LRMDA: variants seen among roughly 807,000 people sequenced by gnomAD.
The protein encoded by LRMDA is leucine-rich melanocyte differentiation-associated protein.
LRMDA carries 18 observed loss-of-function variants against 29.8 expected under a neutral mutation model. The observed-to-expected ratio is 0.60, with a 90% CI of 0.42 to 0.90. The LOEUF is 0.90. Among genes scored for constraint, LRMDA ranks in the 40% least tolerant of loss-of-function variants. The pLI, the probability that LRMDA is intolerant of heterozygous loss-of-function variation, is 0.00. For synonymous variants in LRMDA, 125 were observed against 109.4 expected (o/e 1.14, Z -0.89); for missense variants, 273 against 273.9 (o/e 1.00, Z 0.02).
chr10:75,887,827 T>C (rs1293545777), intron 2 of LRMDA, among the ~76,000 whole-genome samples: 2 of 152,118 alleles, frequency 1.3e-5, no homozygotes, highest in East Asian at 3.9e-4. Flanking sequence ...AGGAAGAAAA[T>C]GAACTTTAAT....
At chr10:75,751,034 C>G (rs1057263802) in intron 2 of LRMDA, among the ~76,000 whole-genome samples, 2 of 152,238 alleles carry the variant, frequency 1.3e-5, no homozygotes, top group Non-Finnish European at 2.9e-5. Context: ...ACATTGAGCA[C>G]TGAGTGAGCG....
chr10:76,032,309 A>T (rs868460376), intron 2 of LRMDA, among the ~76,000 whole-genome samples: 1 of 152,108 alleles, frequency 6.6e-6, no homozygotes, highest in African/African-American at 2.4e-5. Flanking sequence ...CATGCCAGCC[A>T]CTGGCCTGGC....
At chr10:75,731,464 T>C (rs1842696125) in intron 2 of LRMDA, among the ~76,000 whole-genome samples, 2 of 152,352 alleles carry the variant, frequency 1.3e-5, no homozygotes, top group Admixed American at 1.3e-4. Flanking sequence ...ACGTTGTCTT[T>C]CTCATCACTA....
intron 6 of LRMDA, among the ~76,000 whole-genome samples, chr10:76,535,208 C>A (rs775587296): frequency 7.2e-5 from 11 of 151,850 alleles, no homozygotes; most frequent in Non-Finnish European, 1.2e-4. Context: ...TTTTGTAATG[C>A]AAATTAAACA....
chr10:75,667,294 TTTAAA>T (rs1407642912), intron 2 of LRMDA, among the ~76,000 whole-genome samples: 9 of 152,038 alleles, frequency 5.9e-5, no homozygotes, highest in Non-Finnish European at 1.2e-4. Flanking sequence ...TGGGACTTAG[TTTAAA>T]TTAAATTAAA....
chr10:75,752,857 C>T (rs1842984660), intron 2 of LRMDA, among the ~76,000 whole-genome samples: 1 of 152,180 alleles, frequency 6.6e-6, no homozygotes, highest in African/African-American at 2.4e-5. Flanking sequence ...TGAATTTACT[C>T]CTGCAATTCT....
intron 2 of LRMDA, among the ~76,000 whole-genome samples, chr10:75,780,546 C>G (rs1435796272): frequency 6.6e-6 from 1 of 152,142 alleles, no homozygotes; most frequent in South Asian, 2.1e-4. Context: ...GGACATGGCT[C>G]TGAAGGTGAA....
chr10:76,344,555 G>A (rs890033269), intron 6 of LRMDA, among the ~76,000 whole-genome samples: 3 of 152,076 alleles, frequency 2.0e-5, no homozygotes, highest in Non-Finnish European at 2.9e-5. Context: ...TAAAGGTCAT[G>A]TGGAAAATAT....
chr10:75,460,729 C>A (rs973521265), intron 2 of LRMDA, among the ~76,000 whole-genome samples: 1 of 151,886 alleles, frequency 6.6e-6, no homozygotes, highest in Non-Finnish European at 1.5e-5. Flanking sequence ...CTGTTTTTTT[C>A]TCTTAATGTC....
chr10:75,657,744 G>A (rs1841696916), intron 2 of LRMDA, among the ~76,000 whole-genome samples: 3 of 152,138 alleles, frequency 2.0e-5, no homozygotes, highest in Admixed American at 2.0e-4. Context: ...AGAGTTGGGG[G>A]GCAAACTGGT....
intron 2 of LRMDA, among the ~76,000 whole-genome samples, chr10:75,685,693 C>T (rs1564539504): frequency 6.6e-6 from 1 of 152,076 alleles, no homozygotes; most frequent in Non-Finnish European, 1.5e-5. Flanking sequence ...GTCATAAAGG[C>T]GATGACAGAA....
intron 5 of LRMDA, among the ~76,000 whole-genome samples, chr10:76,289,587 C>T (rs1014856278): frequency 5.9e-5 from 9 of 151,998 alleles, no homozygotes; most frequent in African/African-American, 1.2e-4. Flanking sequence ...CTATTACAGG[C>T]GATATTTGGA....
intron 5 of LRMDA, among the ~76,000 whole-genome samples, chr10:76,088,874 T>G (rs1434976595): frequency 6.6e-6 from 1 of 152,226 alleles, no homozygotes; most frequent in African/African-American, 2.4e-5. Flanking sequence ...TTCTATTGAT[T>G]CTGTTGGGAT....
chr10:76,387,581 G>T (rs1313920811), intron 6 of LRMDA, among the ~76,000 whole-genome samples: 1 of 151,136 alleles, frequency 6.6e-6, no homozygotes, highest in African/African-American at 2.4e-5. Context: ...CCAGCCTGGG[G>T]GACAGAATGA....
chr10:76,184,486 TC>T (rs1270609812), intron 5 of LRMDA, among the ~76,000 whole-genome samples: 2 of 152,246 alleles, frequency 1.3e-5, no homozygotes, highest in Non-Finnish European at 2.9e-5. Flanking sequence ...CAGCAGTTGC[TC>T]TCTTAAAACA....
At chr10:75,507,968 T>G (rs1845187170) in intron 2 of LRMDA, among the ~76,000 whole-genome samples, 1 of 152,190 alleles carries the variant, frequency 6.6e-6, no homozygotes, top group South Asian at 2.1e-4. Flanking sequence ...CTAGTATAGT[T>G]TTAATTGTGT....
intron 2 of LRMDA, among the ~76,000 whole-genome samples, chr10:75,730,906 T>A (rs1379252088): frequency 6.6e-6 from 1 of 152,252 alleles, no homozygotes; most frequent in Non-Finnish European, 1.5e-5. Flanking sequence ...TTGCTCATAC[T>A]AATCTATACT....
chr10:75,590,138 C>A (rs1840705210), intron 2 of LRMDA, among the ~76,000 whole-genome samples: 1 of 151,760 alleles, frequency 6.6e-6, no homozygotes, highest in Non-Finnish European at 1.5e-5. Flanking sequence ...TTCCCCTCAG[C>A]CTCCAAAGTA....
intron 2 of LRMDA, among the ~76,000 whole-genome samples, chr10:75,561,936 G>C (rs1243343787): frequency 1.3e-5 from 2 of 152,102 alleles, no homozygotes; most frequent in Non-Finnish European, 2.9e-5. Context: ...TTGGTGAGGA[G>C]AGCTTTACTT....
Sources: allele counts gnomAD v4.1 joint callset (sites outside exome capture counted in the v4.1 genomes callset), GRCh38; gene constraint gnomAD v4.1.1; transcripts MANE v1.5; gene names NCBI Gene and HGNC (gene_info 2026-07-23, HGNC 2026-07-21).